Variants in FAM13A observed in about 807,000 individuals in gnomAD.
FAM13A encodes the protein family with sequence similarity 13 member A.
Under a neutral mutation model 129.6 loss-of-function variants are expected in FAM13A, and 76 were observed. That is an observed-to-expected ratio of 0.59 (90% CI 0.49 to 0.71). The LOEUF is 0.71. Ranked by LOEUF, FAM13A falls within the 30% of genes least tolerant of loss-of-function variation. The pLI, the probability that FAM13A is intolerant of heterozygous loss-of-function variation, is 0.00. For missense variants in FAM13A, 1,108 were observed against 1,249.3 expected, an observed-to-expected ratio of 0.89 and a Z score of 1.70; for synonymous variants, 443 against 449.9, an observed-to-expected ratio of 0.98 and a Z score of 0.20.
intron 3 of FAM13A, among the ~76,000 whole-genome samples, chr4:88,991,605 CATTTG>C (rs1292362043): frequency 6.6e-6 from 1 of 152,094 alleles, no homozygotes; most frequent in Non-Finnish European, 1.5e-5. Flanking sequence ...TGGAATCTTC[CATTTG>C]ATTTTTGTCT....
At chr4:88,987,849 A>AAAAAAAAAAAAAAAAAC (rs1207687700) in intron 4 of FAM13A, among the ~76,000 whole-genome samples, 1 of 150,568 alleles carries the variant, frequency 6.6e-6, no homozygotes, top group East Asian at 1.9e-4. Context: ...AAAAAAAAAA[A>AAAAAAAAAAAAAAAAAC]AAAAAACTTA....
chr4:88,905,518 T>C lies in FAM13A; in HGVS notation c.843+861A>G, dbSNP rs114140439. Among the ~76,000 whole-genome samples the C allele has an allele frequency of 4.7e-3, 711 of 152,292 alleles. 5 individuals are homozygous for C. The highest frequency in any genetic ancestry group is 0.017 in the African/African-American group (689 of 41,554). ...ATCACATCCCAGGTATTAAGCCCAG[T>C]ACCCGATACTTATCTTTTCTGTTTC... On this transcript the variant is annotated intron_variant, in intron 6 of 23. Transcript: ENST00000264344.
Position 89,039,104 on chromosome 4 carries a change from A to C in FAM13A, c.28-9455T>G, listed in dbSNP as rs1769771878. 2.6e-5 allele frequency among the ~76,000 whole-genome samples: 4 copies of C among 152,190 alleles called. No homozygotes were observed. The South Asian group carries it at 8.3e-4, about 31-fold the overall frequency. ...TTTAAGGTGATGCTCACTAGCTTGT[A>C]AACCTAACTTCTAGTTTACAGTAAA... On this transcript the variant is annotated intron_variant, in intron 1 of 23. Coordinates refer to ENST00000264344, the MANE Select transcript of FAM13A (RefSeq NM_014883.4).
At chr4:88,891,260 C>CA (rs1246755325) in intron 6 of FAM13A, among the ~76,000 whole-genome samples, 3 of 151,908 alleles carry the variant, frequency 2.0e-5, no homozygotes, top group Admixed American at 6.5e-5. Context: ...CACGTCTCTA[C>CA]AAAAAAAACA....
intron 7 of FAM13A, among the ~76,000 whole-genome samples, chr4:88,808,675 G>A (rs11938303): frequency 7.2e-5 from 11 of 152,002 alleles, no homozygotes; most frequent in East Asian, 5.8e-4. Flanking sequence ...GAATTCATTC[G>A]ATTTCCTCCT....
chr4:88,853,702 C>T (rs767157525), intron 6 of FAM13A, among the ~76,000 whole-genome samples: 19 of 152,146 alleles, frequency 1.2e-4, no homozygotes, highest in Non-Finnish European at 2.4e-4. Flanking sequence ...AAGTACTGTT[C>T]CTGGGTGTGT....
chr4:89,039,214 C>A (rs904230658), intron 1 of FAM13A, among the ~76,000 whole-genome samples: 3 of 152,088 alleles, frequency 2.0e-5, no homozygotes, highest in African/African-American at 7.2e-5. Flanking sequence ...ACAGTATCAG[C>A]CTGGACTTTT....
Position 88,780,933 on chromosome 4 carries a change from T to C in FAM13A, c.1458+232A>G, listed in dbSNP as rs538780495. Among the ~76,000 whole-genome samples, 6 of 151,910 alleles carry C rather than the reference T, an allele frequency of 3.9e-5. 1 individual carries two copies. The highest frequency in any genetic ancestry group is 1.4e-4 in the African/African-American group (6 of 41,454). ...CTTGAAAAAAAAGAGAAAAAAACAA[T>C]GGAAATCAGAATGTGTGGTGTCTCT... On this transcript the variant is annotated intron_variant, in intron 11 of 23. Transcript: ENST00000264344.
chr4:88,925,131 GT>G (rs1169217688), intron 5 of FAM13A, among the ~76,000 whole-genome samples: 1 of 151,790 alleles, frequency 6.6e-6, no homozygotes, highest in East Asian at 1.9e-4. Context: ...TTCAACCATT[GT>G]GGAAGTCAGT....
chr4:88,740,628 A>G (rs1481881450), intron 19 of FAM13A, among the ~76,000 whole-genome samples: 1 of 152,214 alleles, frequency 6.6e-6, no homozygotes, highest in African/African-American at 2.4e-5. Context: ...AAGTAGCGTT[A>G]GCTTTGACCA....
At chr4:88,751,372 G>A (rs1226233085) in intron 14 of FAM13A, among the ~76,000 whole-genome samples, 2 of 152,184 alleles carry the variant, frequency 1.3e-5, no homozygotes, top group African/African-American at 4.8e-5. Flanking sequence ...CATCAATCTT[G>A]AGAGAGCCTA....
chr4:88,983,609 T>G (rs1761903523), intron 4 of FAM13A, among the ~76,000 whole-genome samples: 1 of 152,166 alleles, frequency 6.6e-6, no homozygotes, highest in African/African-American at 2.4e-5. Flanking sequence ...GCAAAACTTG[T>G]ACCCTGAAAA....
In FAM13A at chr4:88,906,865, C is replaced by G. The variant is rs139938207; in HGVS notation, c.760-403G>C. Among the ~76,000 whole-genome samples the G allele has an allele frequency of 1.7e-3, 256 of 152,336 alleles. 9 individuals are homozygous for G. In the East Asian group the frequency reaches 0.028, roughly 17 times the overall value. On this transcript the variant is annotated intron_variant, in intron 5 of 23. Transcript: ENST00000264344. The stretch of plus-strand genomic sequence containing the variant: ...ATTCCCTACATTTTACAGATGTATT[C>G]TGACTCTTTACATACTTGACCTTAA...
chr4:88,947,421 A>G (rs553448580), intron 4 of FAM13A, among the ~76,000 whole-genome samples: 47 of 152,174 alleles, frequency 3.1e-4, no homozygotes, highest in Non-Finnish European at 6.0e-4. Flanking sequence ...CAACAACAAC[A>G]AAAAACACAC....
intron 1 of FAM13A, among the ~76,000 whole-genome samples, chr4:89,045,008 G>A (rs1173722620): frequency 6.6e-6 from 1 of 152,088 alleles, no homozygotes; most frequent in Non-Finnish European, 1.5e-5. Flanking sequence ...TGGTAGTGAT[G>A]CACAACATTG....
intron 1 of FAM13A, among the ~76,000 whole-genome samples, chr4:89,053,455 G>A (rs900407831): frequency 2.0e-4 from 31 of 152,052 alleles, no homozygotes; most frequent in African/African-American, 7.0e-4. Context: ...GATTTAAGTT[G>A]ATTCAATAAA....
intron 1 of FAM13A, among the ~76,000 whole-genome samples, chr4:89,050,988 T>G (rs923065736): frequency 1.3e-4 from 20 of 152,148 alleles, no homozygotes; most frequent in African/African-American, 4.6e-4. Flanking sequence ...TTATGCAATA[T>G]TTGTCTGTTG....
At chr4:88,780,411 G>A (rs1033008059) in intron 11 of FAM13A, among the ~76,000 whole-genome samples, 1 of 152,124 alleles carries the variant, frequency 6.6e-6, no homozygotes, top group African/African-American at 2.4e-5. Context: ...AGGGATTCCA[G>A]TTCACGCCAT....
chr4:88,731,073 T>C (rs1351179872), intron 23 of FAM13A, among the ~76,000 whole-genome samples: 1 of 152,216 alleles, frequency 6.6e-6, no homozygotes, highest in East Asian at 1.9e-4. Flanking sequence ...GTTCATTTCA[T>C]AAATGTCAGC....
Sources: gnomAD v4.1 joint callset for allele counts (sites outside exome capture counted in the v4.1 genomes callset) on GRCh38, gnomAD v4.1.1 for gene constraint, MANE v1.5 for transcripts, NCBI Gene and HGNC (gene_info 2026-07-23, HGNC 2026-07-21) for gene names.